CDH13: variants seen among roughly 807,000 people sequenced by gnomAD.
The protein encoded by CDH13 is cadherin 13, also known as cadherin-13.
A neutral mutation model predicts 63.8 loss-of-function variants in CDH13; 24 were observed. The observed-to-expected ratio is 0.38, with a 90% CI of 0.27 to 0.53. The LOEUF (loss-of-function observed/expected upper bound fraction) is 0.53, where lower values mean the gene tolerates loss of function less well. CDH13 is among the 20% of genes least tolerant of loss of function. The pLI, the probability that CDH13 is intolerant of heterozygous loss-of-function variation, is 0.85. For missense variants in CDH13, 1,049 were observed against 903.1 expected, an observed-to-expected ratio of 1.16 and a Z score of -2.07; for synonymous variants, 503 against 355.3, an observed-to-expected ratio of 1.42 and a Z score of -4.67.
intron 1 of CDH13, among the ~76,000 whole-genome samples, chr16:82,737,636 T>A (rs2151047441): frequency 6.6e-6 from 1 of 152,296 alleles, no homozygotes; most frequent in South Asian, 2.1e-4. Context: ...TCAATTCTGC[T>A]CTGTTTGATT....
At chr16:82,956,232 G>T (rs1292281889) in intron 2 of CDH13, among the ~76,000 whole-genome samples, 2 of 151,790 alleles carry the variant, frequency 1.3e-5, no homozygotes, top group East Asian at 3.9e-4. Context: ...AGTCAGGCAG[G>T]TCTTCATCAT....
chr16:83,630,665 C>T (rs987024254), intron 8 of CDH13, among the ~76,000 whole-genome samples: 17 of 152,250 alleles, frequency 1.1e-4, no homozygotes, highest in Non-Finnish European at 1.6e-4. Context: ...CTCAGGTGAG[C>T]AGAGGGATGA....
At chr16:83,619,126 G>C (rs116708546) in intron 8 of CDH13, among the ~76,000 whole-genome samples, 332 of 152,196 alleles carry the variant, frequency 2.2e-3, no homozygotes, top group African/African-American at 7.5e-3. Flanking sequence ...GCTTTCCAAA[G>C]TACATTCATT....
chr16:83,505,577 C>T lies in CDH13; in HGVS notation c.960+18922C>T, dbSNP rs185308478. ...TTTTTTTTGAGAAGGAGTTTTTGCT[C>T]TTGTTGCCCAGGCTGGAGTGCAATG... On this transcript the variant is annotated intron_variant, in intron 7 of 13. Transcript: ENST00000567109. 4.2e-4 allele frequency among the ~76,000 whole-genome samples: 37 copies of T among 88,824 alleles called. No individual in the cohort carries two copies. The Admixed American group carries it at 5.5e-3, about 13-fold the overall frequency. The allele number at this position is 88,824 out of a possible 152,430, so 58.3% of individuals were successfully genotyped here.
intron 11 of CDH13, among the ~76,000 whole-genome samples, chr16:83,758,005 T>C (rs1017236973): frequency 6.6e-6 from 1 of 151,474 alleles, no homozygotes; most frequent in Non-Finnish European, 1.5e-5. Context: ...GGTGCACGCC[T>C]GTAATCCCAG....
At chr16:83,166,470 T>C (rs1202245730) in intron 4 of CDH13, among the ~76,000 whole-genome samples, 1 of 152,084 alleles carries the variant, frequency 6.6e-6, no homozygotes, top group African/African-American at 2.4e-5. Context: ...GATTCCTCCC[T>C]CCTTTCCTTC....
At position 82,962,573 on chromosome 16, in the gene CDH13, G is replaced by A. The variant is rs192138218; in HGVS notation, c.158-69437G>A. 8.6e-3 allele frequency among the ~76,000 whole-genome samples: 1,312 copies of A among 152,294 alleles called. 11 individuals carry two copies. The highest frequency in any genetic ancestry group is 0.013 in the Admixed American group (203 of 15,302). On this transcript the variant is annotated intron_variant, in intron 2 of 13. Transcript: ENST00000567109. ...TAGGATGCATGCAACTCATAAGGCT[G>A]AAGACAGACGGGAGTGGGAGTAGGA...
intron 7 of CDH13, among the ~76,000 whole-genome samples, chr16:83,539,657 C>T (rs1301499527): frequency 2.6e-5 from 4 of 152,196 alleles, no homozygotes; most frequent in Non-Finnish European, 5.9e-5. Flanking sequence ...GCATTTTCTA[C>T]GTGTCACTCA....
In CDH13 at chr16:83,780,211, G is replaced by A; in HGVS notation, c.1915+10G>A. 6.5e-7 allele frequency: 1 copy of A among 1,539,998 alleles called. No individual in the cohort carries two copies. Among genetic ancestry groups the A allele is most frequent in the Non-Finnish European group, 8.9e-7 (1 of 1,126,722 alleles). ...ATCTCCAAGATCAACAGTAAGTCTGGCTAAAGCATTTCTGCCTATTCTTCC... is the reference window on the plus strand; with the variant it reads ...ATCTCCAAGATCAACAGTAAGTCTGACTAAAGCATTTCTGCCTATTCTTCC... On this transcript the variant is annotated intron_variant, in intron 12 of 13. Coordinates refer to ENST00000567109, the MANE Select transcript of CDH13 (RefSeq NM_001257.5).
chr16:83,077,406 T>G (rs373622272), intron 3 of CDH13, among the ~76,000 whole-genome samples: 1 of 151,984 alleles, frequency 6.6e-6, no homozygotes, highest in Non-Finnish European at 1.5e-5. Context: ...TTGGCCAGGC[T>G]GGTCTCGAAC....
At chr16:83,368,793 T>C (rs1044323009) in intron 6 of CDH13, among the ~76,000 whole-genome samples, 5 of 150,268 alleles carry the variant, frequency 3.3e-5, no homozygotes, top group African/African-American at 1.2e-4. Flanking sequence ...CCTGAGTTAC[T>C]TCACTTAGAA....
At chr16:82,705,203 G>A (rs908571739) in intron 1 of CDH13, 27 of 455,476 alleles carry the variant, frequency 5.9e-5, no homozygotes, top group African/African-American at 3.6e-4. Flanking sequence ...ATTTCATGAT[G>A]AGCTTTCAGG....
chr16:83,304,725 T>G (rs1363540342), intron 5 of CDH13, among the ~76,000 whole-genome samples: 1 of 152,174 alleles, frequency 6.6e-6, no homozygotes, highest in Non-Finnish European at 1.5e-5. Context: ...AGCAAGGCAT[T>G]CAGCAGGTGT....
intron 1 of CDH13, among the ~76,000 whole-genome samples, chr16:82,655,912 G>A (rs184387514): frequency 6.6e-6 from 1 of 152,064 alleles, no homozygotes; most frequent in Non-Finnish European, 1.5e-5. Flanking sequence ...GCCTTTAGTG[G>A]GCACCTGCTA....
chr16:83,143,483 G>C (rs1597409158), intron 4 of CDH13, among the ~76,000 whole-genome samples: 1 of 152,134 alleles, frequency 6.6e-6, no homozygotes, highest in South Asian at 2.1e-4. Flanking sequence ...GTTTCTTGTA[G>C]ATAAATATTA....
At chr16:83,049,203 A>G (rs1289149816) in intron 3 of CDH13, among the ~76,000 whole-genome samples, 1 of 152,098 alleles carries the variant, frequency 6.6e-6, no homozygotes, top group Non-Finnish European at 1.5e-5. Flanking sequence ...TGTTAACCCA[A>G]AAGGAAACTG....
At chr16:83,157,843 G>A (rs1358670769) in intron 4 of CDH13, among the ~76,000 whole-genome samples, 1 of 151,726 alleles carries the variant, frequency 6.6e-6, no homozygotes, top group Non-Finnish European at 1.5e-5. Flanking sequence ...AACCTGGGAG[G>A]CAGAGGTTGC....
chr16:83,246,462 G>C (rs548590449), intron 5 of CDH13, among the ~76,000 whole-genome samples: 4 of 152,228 alleles, frequency 2.6e-5, no homozygotes, highest in African/African-American at 9.6e-5. Context: ...TACTCCGAGA[G>C]ATTCACTAGC....
At chr16:83,548,669 C>A (rs2075433731) in intron 7 of CDH13, among the ~76,000 whole-genome samples, 1 of 152,126 alleles carries the variant, frequency 6.6e-6, no homozygotes. Flanking sequence ...TGGAGACATC[C>A]AAGTGAGGAG....
Sources: gnomAD v4.1 joint callset for allele counts (sites outside exome capture counted in the v4.1 genomes callset) on GRCh38, gnomAD v4.1.1 for gene constraint, MANE v1.5 for transcripts, NCBI Gene and HGNC (gene_info 2026-07-23, HGNC 2026-07-21) for gene names.